The following ARHGAP6 variants were observed in gnomAD, a reference collection of about 807,000 sequenced individuals.
ARHGAP6 encodes rho GTPase-activating protein 6.
In ARHGAP6, 16 loss-of-function variants were observed where a neutral mutation model predicts 55.7. The ratio of observed to expected loss-of-function variants is 0.29; its 90% CI spans 0.19 to 0.44. The LOEUF (loss-of-function observed/expected upper bound fraction) is 0.44, where lower values mean the gene tolerates loss of function less well. Ranked by LOEUF, ARHGAP6 falls within the 20% of genes least tolerant of loss-of-function variation. The probability of loss-of-function intolerance (pLI) is 1.00; values close to 1 mark genes in which losing one functional copy is unlikely to be tolerated. For synonymous variants in ARHGAP6, 382 were observed against 360.9 expected (o/e 1.06, Z -0.66); for missense variants, 698 against 808.9 (o/e 0.86, Z 1.66).
At chrX:11,145,253 AAAG>A (rs1237200530) in intron 10 of ARHGAP6, 6 of 112,216 alleles carry the variant, frequency 5.3e-5, no homozygotes, top group Non-Finnish European at 1.9e-5. Flanking sequence ...TTTATTTCTT[AAAG>A]AAGGTAAACA....
At chrX:11,451,514 C>T (rs1256658023) in intron 1 of ARHGAP6, among the ~76,000 whole-genome samples, 1 of 112,089 alleles carries the variant, frequency 8.9e-6, no homozygotes, top group Non-Finnish European at 1.9e-5. Flanking sequence ...AACGTGGTTC[C>T]TCAAGTTGAA....
chrX:11,317,595 G>A (rs560904477), intron 1 of ARHGAP6, among the ~76,000 whole-genome samples: 3 of 111,746 alleles, frequency 2.7e-5, no homozygotes, highest in Non-Finnish European at 5.6e-5. Context: ...ATTTAAGGTG[G>A]TTTAAATGGA....
At position 11,144,229 on chromosome X, in the gene ARHGAP6, A is replaced by T; in HGVS notation, c.1927T>A (p.Ser643Thr). ...CCTCCCACGGAAAAGGAAACTTCCG[A>T]CTGCAGCATGTCAGGGCTTCTGGCA... ...SQSSSPDMLQ[S>T]EVSFSVGGRH... Residue 643 changes from serine to threonine, a missense_variant, in exon 11 of 13, where the codon TCG becomes ACG. By Grantham distance (58) the Ser-to-Thr change is moderately conservative. This residue lies in a region of ARHGAP6 where 322 missense variants were observed against 451.1 expected (regional missense o/e 0.71). Coordinates refer to ENST00000337414, the MANE Select transcript of ARHGAP6 (RefSeq NM_013427.3). The T allele has an allele frequency of 8.3e-7, 1 of 1,211,508 alleles. No individual in the cohort carries two copies. The highest frequency in any genetic ancestry group is 3.0e-5 in the East Asian group (1 of 33,847).
At position 11,324,230 on chromosome X, in the gene ARHGAP6, G is replaced by C. The variant is rs768510733; in HGVS notation, c.589-69523C>G. On this transcript the variant is annotated intron_variant, in intron 1 of 12. Coordinates refer to ENST00000337414, the MANE Select transcript of ARHGAP6 (RefSeq NM_013427.3). ...GAATTGTAACAGGAAATAAAACATG[G>C]CTTTCCCAGTACCATCCTGAAGACA... 3.6e-5 allele frequency among the ~76,000 whole-genome samples: 4 copies of C among 111,986 alleles called. No individual in the cohort carries two copies. In the East Asian group the frequency reaches 1.1e-3, roughly 31 times the overall value.
intron 1 of ARHGAP6, among the ~76,000 whole-genome samples, chrX:11,315,188 G>A (rs1422628132): frequency 1.8e-5 from 2 of 112,478 alleles, no homozygotes; most frequent in Non-Finnish European, 3.8e-5. Context: ...TAGACTAGCT[G>A]ACCCCAGCCA....
At chrX:11,293,012 G>A (rs1225871896) in intron 1 of ARHGAP6, among the ~76,000 whole-genome samples, 1 of 112,353 alleles carries the variant, frequency 8.9e-6, no homozygotes, top group Admixed American at 9.4e-5. Context: ...ATCTGAAAGG[G>A]CTGGAAAAAT....
At chrX:11,587,009 T>C (rs2051742343) in intron 1 of ARHGAP6, among the ~76,000 whole-genome samples, 1 of 112,040 alleles carries the variant, frequency 8.9e-6, no homozygotes, top group African/African-American at 3.2e-5. Flanking sequence ...TAGTGATTTT[T>C]ATACGTTGAT....
chrX:11,241,635 C>T (rs2047284199), intron 2 of ARHGAP6, among the ~76,000 whole-genome samples: 1 of 109,020 alleles, frequency 9.2e-6, no homozygotes, highest in Non-Finnish European at 1.9e-5. Context: ...TAACCAAACT[C>T]ATGTTATCAA....
chrX:11,296,798 AC>A (rs1404225250), intron 1 of ARHGAP6: 1 of 1,210,542 alleles, frequency 8.3e-7, no homozygotes, highest in East Asian at 3.0e-5. Flanking sequence ...CATCCTGGGC[AC>A]CCTGGTTATA....
chrX:11,164,154 C>T (rs1002573383), intron 9 of ARHGAP6, among the ~76,000 whole-genome samples: 1 of 112,530 alleles, frequency 8.9e-6, no homozygotes, highest in Middle Eastern at 4.7e-3. Flanking sequence ...TTGGCTAAAA[C>T]ATATTTTCTT....
intron 1 of ARHGAP6, among the ~76,000 whole-genome samples, chrX:11,448,706 A>T: frequency 9.0e-6 from 1 of 111,080 alleles, no homozygotes; most frequent in Non-Finnish European, 1.9e-5. Context: ...CCCATAGATG[A>T]TGCACTCAGG....
intron 4 of ARHGAP6, among the ~76,000 whole-genome samples, chrX:11,188,221 A>C (rs1008295939): frequency 9.0e-6 from 1 of 111,416 alleles, no homozygotes; most frequent in Admixed American, 9.5e-5. Context: ...ATATAGTTAG[A>C]GTATTTGAAA....
At chrX:11,427,650 C>T (rs2049897506) in intron 1 of ARHGAP6, 1 of 855,083 alleles carries the variant, frequency 1.2e-6, no homozygotes, top group Non-Finnish European at 1.4e-6. Flanking sequence ...CACGGTGTCT[C>T]TCTGAGTTCC....
At chrX:11,490,949 C>T (rs2050560858) in intron 1 of ARHGAP6, among the ~76,000 whole-genome samples, 1 of 111,889 alleles carries the variant, frequency 8.9e-6, no homozygotes, top group Non-Finnish European at 1.9e-5. Context: ...AATTGTAATG[C>T]CAAATGTGAA....
At chrX:11,416,926 A>T (rs780947990) in intron 1 of ARHGAP6, among the ~76,000 whole-genome samples, 1 of 106,951 alleles carries the variant, frequency 9.4e-6, no homozygotes, top group East Asian at 2.9e-4. Flanking sequence ...TTTACGCAGG[A>T]GATAAACTCT....
At chrX:11,252,731 G>A (rs1422263266) in intron 2 of ARHGAP6, among the ~76,000 whole-genome samples, 1 of 112,286 alleles carries the variant, frequency 8.9e-6, no homozygotes, top group South Asian at 3.7e-4. Context: ...TGCATGTCTT[G>A]TCAGCCCATT....
At chrX:11,593,669 G>A (rs926999748) in intron 1 of ARHGAP6, among the ~76,000 whole-genome samples, 7 of 112,004 alleles carry the variant, frequency 6.2e-5, no homozygotes, top group Admixed American at 3.8e-4. Flanking sequence ...AATGGGAGAA[G>A]CTGTTGCAGT....
intron 1 of ARHGAP6, among the ~76,000 whole-genome samples, chrX:11,455,998 A>G (rs927191719): frequency 8.9e-6 from 1 of 112,374 alleles, no homozygotes; most frequent in African/African-American, 3.2e-5. Context: ...AATTATTAGA[A>G]TTAACAAGAG....
rs1405668801 is a variant in ARHGAP6, at chrX:11,169,534, T to A, written c.1780A>T (p.Met594Leu). The A allele has an allele frequency of 2.5e-6, 3 of 1,198,859 alleles. No individual in the cohort carries two copies. Among genetic ancestry groups the A allele is most frequent in the Non-Finnish European group, 3.4e-6 (3 of 890,477 alleles). ...STAIIAVVQKMIENYEALFMV... is the reference protein window; with the variant it reads ...STAIIAVVQKLIENYEALFMV... ...AACAGGGCTTCATAATTTTCAATCA[T>A]CTTTTGCACAACAGCGATGATGGCC... The change falls in exon 9 of 13, where the codon ATG becomes TTG. Residue 594 changes from methionine to leucine, a missense_variant. By Grantham distance (15) the Met-to-Leu change is conservative (BLOSUM62 2). Around this residue, in one of 3 missense-constraint regions of ARHGAP6, gnomAD observed 322 missense variants for 451.1 expected, o/e 0.71. Coordinates refer to ENST00000337414, the MANE Select transcript of ARHGAP6 (RefSeq NM_013427.3).
Sources: gnomAD v4.1 joint callset for allele counts (sites outside exome capture counted in the v4.1 genomes callset) on GRCh38, gnomAD v4.1.1 for gene constraint, gnomAD v4.1.1 regional missense constraint, MANE v1.5 for transcripts, NCBI Gene and HGNC (gene_info 2026-07-23, HGNC 2026-07-21) for gene names.